Variants in SCGB1D4 observed in about 807,000 individuals in gnomAD.
SCGB1D4 encodes secretoglobin family 1D member 4.
SCGB1D4 carries 6 observed loss-of-function variants against 8.1 expected under a neutral mutation model. The observed-to-expected ratio is 0.74, with a 90% CI of 0.40 to 1.45. The LOEUF (loss-of-function observed/expected upper bound fraction) is 1.45. SCGB1D4 is among the 40% of genes most tolerant of loss of function. The pLI is 0.02. For synonymous variants in SCGB1D4, 34 were observed against 38.1 expected (o/e 0.89, Z 0.39); for missense variants, 93 against 95.0 (o/e 0.98, Z 0.09).
chr11:62,297,957 C>T (rs1945456218), intron 1 of SCGB1D4, among the ~76,000 whole-genome samples: 1 of 151,878 alleles, frequency 6.6e-6, no homozygotes, highest in South Asian at 2.1e-4. Context: ...AAGCGATCCT[C>T]CCTCAGCCCC....
At chr11:62,296,498 A>C (rs1216618395) in intron 2 of SCGB1D4, 79 bp from the exon 3 acceptor site, 2 of 1,445,874 alleles carry the variant, frequency 1.4e-6, no homozygotes, top group African/African-American at 1.4e-5. Context: ...CTAACATCAA[A>C]GAGGCCAATG....
At position 62,297,651 on chromosome 11, in the gene SCGB1D4, A is replaced by C; in HGVS notation, c.63T>G (p.Ala21=). The change falls in exon 2 of 3, where the codon GCT becomes GCG. Residue 21 remains alanine (A), a synonymous_variant. Coordinates refer to ENST00000358585, the MANE Select transcript of SCGB1D4 (RefSeq NM_206998.2). ...CAGAAGCAACAGCTGGGCAGACAAG[A>C]GCATGGGCTGCAGCACAAAAATAAA... ...SLALCCYQAH[A]LVCPAVASEI... is the part of the protein sequence containing the mutation. 1 of 1,610,892 alleles carries C rather than the reference A, an allele frequency of 6.2e-7. No homozygotes were observed. The highest frequency in any genetic ancestry group is 8.5e-7 in the Non-Finnish European group (1 of 1,179,038).
intron 2 of SCGB1D4, among the ~76,000 whole-genome samples, chr11:62,296,621 C>T (rs1294335055): frequency 6.6e-6 from 1 of 152,146 alleles, no homozygotes; most frequent in East Asian, 1.9e-4. Flanking sequence ...GCAGCCTTTC[C>T]CCACCAGACC....
At chr11:62,298,353 A>G (rs913374609) in intron 1 of SCGB1D4, among the ~76,000 whole-genome samples, 1 of 152,140 alleles carries the variant, frequency 6.6e-6, no homozygotes, top group Admixed American at 6.5e-5. Context: ...ACCTCACATT[A>G]CATCATCTGA....
intron 1 of SCGB1D4, 119 bp downstream of exon 1, chr11:62,298,837 G>A: frequency 1.3e-6 from 1 of 754,430 alleles, no homozygotes; most frequent in Non-Finnish European, 2.1e-6. Context: ...CACAGAAAAG[G>A]GTTTGGAATT....
chr11:62,297,416 G>A, intron 2 of SCGB1D4, 56 bp downstream of exon 2: 1 of 1,326,632 alleles, frequency 7.5e-7, no homozygotes. Flanking sequence ...AAACATGCAG[G>A]AGGCTGTGTG....
intron 2 of SCGB1D4, among the ~76,000 whole-genome samples, chr11:62,296,959 T>C (rs1401457325): frequency 1.3e-5 from 2 of 152,192 alleles, no homozygotes; most frequent in African/African-American, 4.8e-5. Flanking sequence ...GAGAGGGCCC[T>C]GGAATCTCTG....
intron 1 of SCGB1D4, among the ~76,000 whole-genome samples, chr11:62,298,056 GT>G (rs1264249050): frequency 4.3e-4 from 54 of 126,534 alleles, no homozygotes; most frequent in Non-Finnish European, 4.8e-4. Flanking sequence ...GTTTTGTTTT[GT>G]TTTTTTTTTT....
chr11:62,297,082 G>A (rs1313022736), intron 2 of SCGB1D4, among the ~76,000 whole-genome samples: 1 of 152,240 alleles, frequency 6.6e-6, no homozygotes, highest in Non-Finnish European at 1.5e-5. Context: ...CATGGATGAG[G>A]AGTGGATAGT....
At position 62,296,350 on chromosome 11, in the gene SCGB1D4, G is replaced by T; in HGVS notation, c.*60C>A. ...AATTTTTAGTGAAGATCAGGGTGTC[G>T]TTGAAAGACTTTGGAAACCAGGTTG... On this transcript the variant is annotated 3_prime_UTR_variant, in exon 3 of 3. Coordinates refer to ENST00000358585, the MANE Select transcript of SCGB1D4 (RefSeq NM_206998.2). 1 of 1,503,438 alleles carries T rather than the reference G, an allele frequency of 6.7e-7. No individual in the cohort carries two copies. The highest frequency in any genetic ancestry group is 1.1e-5 in the South Asian group (1 of 88,558). 93.1% of individuals were successfully genotyped at this position (1,503,438 alleles called of 1,614,324 possible).
At chr11:62,297,409 C>G in intron 2 of SCGB1D4, 63 bp downstream of exon 2, 1 of 1,285,150 alleles carries the variant, frequency 7.8e-7, no homozygotes, top group South Asian at 1.3e-5. Flanking sequence ...TGACAAGAAA[C>G]ATGCAGGAGG....
At chr11:62,298,010 TTGTGTGTGTGTG>T (rs71458409) in intron 1 of SCGB1D4, among the ~76,000 whole-genome samples, 10 of 116,234 alleles carry the variant, frequency 8.6e-5, no homozygotes, top group Non-Finnish European at 1.0e-4. Flanking sequence ...ATGCCCGCTT[TTGTGTGTGTGTG>T]TGTGTGTGTG....
Position 62,297,634 on chromosome 11 carries a change from A to G in SCGB1D4, c.80T>C (p.Val27Ala). ...YQAHALVCPA[V>A]ASEITVFLFL... is the part of the protein sequence containing the mutation. ...TAAGAAGACTGTGATCTCAGAAGCA[A>G]CAGCTGGGCAGACAAGAGCATGGGC... Residue 27 changes from valine (V) to alanine (A), a missense_variant, in exon 2 of 3, where the codon GTT (valine) becomes GCT (alanine). Coordinates refer to ENST00000358585, the MANE Select transcript of SCGB1D4 (RefSeq NM_206998.2). 1.2e-6 allele frequency: 2 copies of G among 1,613,716 alleles called. No individual in the cohort carries two copies. The highest frequency in any genetic ancestry group is 1.7e-6 in the Non-Finnish European group (2 of 1,179,970).
At chr11:62,297,998 C>T (rs1273649212) in intron 1 of SCGB1D4, among the ~76,000 whole-genome samples, 1 of 150,744 alleles carries the variant, frequency 6.6e-6, no homozygotes, top group African/African-American at 2.5e-5. Flanking sequence ...GTGCCTGCCA[C>T]CATGCCCGCT....
At chr11:62,296,805 T>C (rs988086569) in intron 2 of SCGB1D4, among the ~76,000 whole-genome samples, 1 of 152,174 alleles carries the variant, frequency 6.6e-6, no homozygotes, top group Non-Finnish European at 1.5e-5. Context: ...GGAGGGCTTC[T>C]GGGAAACACA....
intron 2 of SCGB1D4, among the ~76,000 whole-genome samples, chr11:62,296,996 C>T (rs1945445688): frequency 6.6e-6 from 1 of 152,214 alleles, no homozygotes; most frequent in Non-Finnish European, 1.5e-5. Context: ...ATAGTGAGAA[C>T]ATCCCACTTG....
intron 2 of SCGB1D4, among the ~76,000 whole-genome samples, chr11:62,296,917 C>A (rs995543332): frequency 6.6e-6 from 1 of 152,210 alleles, no homozygotes; most frequent in Non-Finnish European, 1.5e-5. Flanking sequence ...TGCAGCCAAA[C>A]CTCAGGACAA....
At chr11:62,296,511 A>G in intron 2 of SCGB1D4, 92 bp from the exon 3 acceptor site, 1 of 1,349,056 alleles carries the variant, frequency 7.4e-7, no homozygotes, top group East Asian at 2.3e-5. Flanking sequence ...GGCCAATGGG[A>G]TTTTGCCCCA....
chr11:62,298,652 G>T (rs1332792462), intron 1 of SCGB1D4, among the ~76,000 whole-genome samples: 1 of 151,344 alleles, frequency 6.6e-6, no homozygotes, highest in African/African-American at 2.4e-5. Flanking sequence ...CAGCTGCTCA[G>T]GAAGGCTGAG....
Sources: allele counts gnomAD v4.1 joint callset (sites outside exome capture counted in the v4.1 genomes callset), GRCh38; gene constraint gnomAD v4.1.1; transcripts MANE v1.5; gene names NCBI Gene and HGNC (gene_info 2026-07-23, HGNC 2026-07-21).